KANK3: variants seen among roughly 807,000 people sequenced by gnomAD.
KANK3 encodes KN motif and ankyrin repeat domain-containing protein 3.
In KANK3, 61 loss-of-function variants were observed where a neutral mutation model predicts 65.4. The ratio of observed to expected loss-of-function variants is 0.93; its 90% CI spans 0.76 to 1.15. The LOEUF is 1.15. KANK3 is among the 50% of genes most tolerant of loss of function. KANK3 has a pLI of 0.00. For missense variants in KANK3, 1,187 were observed against 1,178.8 expected, an observed-to-expected ratio of 1.01 and a Z score of -0.10; for synonymous variants, 586 against 543.3, an observed-to-expected ratio of 1.08 and a Z score of -1.09.
rs1970340864 is a variant in KANK3 at position 8,322,726 on chromosome 19, G to T, written c.*113C>A. The T allele has an allele frequency of 2.6e-6, 2 of 763,326 alleles. No homozygotes were observed. The highest frequency in any genetic ancestry group is 4.3e-6 in the Non-Finnish European group (2 of 469,158). The allele number at this position is 763,326 out of a possible 1,614,324, so 47.3% of individuals were successfully genotyped here. On this transcript the variant is annotated 3_prime_UTR_variant, in exon 11 of 11. Transcript: ENST00000330915. ...CCCAACTGAAATTGCCTTTCTCTTC[G>T]GCCAGTGTTAGCCTCTGAGCAGGGG... is the stretch of plus-strand genomic sequence containing the variant.
chr19:8,322,880 C>T lies in KANK3; in HGVS notation c.2425G>A (p.Gly809Arg). The change falls in exon 11 of 11, where the codon GGA (glycine) becomes AGA (arginine). Residue 809 changes from glycine to arginine, a missense_variant. By Grantham distance (125) the Gly-to-Arg change is moderately radical (BLOSUM62 -2). Transcript: ENST00000330915. Reference protein sequence around the residue: ...PGSQTATPGEGECGDNGENPQ... With the variant: ...PGSQTATPGERECGDNGENPQ... ...TTCTCTCCATTGTCACCGCATTCTC[C>T]TTCACCAGGTGTGGCTGTCTGGGAG... is the stretch of plus-strand genomic sequence containing the variant. The T allele has an allele frequency of 6.3e-7, 1 of 1,581,822 alleles. No individual in the cohort carries two copies. The highest frequency in any genetic ancestry group is 8.6e-7 in the Non-Finnish European group (1 of 1,163,972).
rs778163268 is a variant in KANK3 at position 8,322,920 on chromosome 19, G to A, written c.2385C>T (p.Ser795=). Residue 795 remains serine (S), a splice_region_variant and synonymous_variant, in exon 11 of 11, where the codon AGC becomes AGT. Coordinates refer to ENST00000330915, the MANE Select transcript of KANK3 (RefSeq NM_198471.3). ...HLSSGQPDTQ[S]ESPPGSQTAT... is the part of the protein sequence containing the mutation. ...CTGTCTGGGAGCCAGGGGGTGACTC[G>A]CTCTGGAGAGAGGGGAAAAGAGGGG... is the stretch of plus-strand genomic sequence containing the variant. 11 of 1,511,072 alleles carry A rather than the reference G, an allele frequency of 7.3e-6. No individual in the cohort carries two copies. The highest frequency in any genetic ancestry group is 2.5e-5 in the East Asian group (1 of 40,790). 93.6% of individuals were successfully genotyped at this position (1,511,072 alleles called of 1,614,324 possible).
At chr19:8,339,032 C>A (rs928532713) in intron 1 of KANK3, among the ~76,000 whole-genome samples, 1 of 151,986 alleles carries the variant, frequency 6.6e-6, no homozygotes, top group East Asian at 1.9e-4. Context: ...CCTGGAATGT[C>A]GCTAGCGGAG....
chr19:8,326,882 G>A (rs1221201019), intron 7 of KANK3, among the ~76,000 whole-genome samples: 5 of 152,122 alleles, frequency 3.3e-5, no homozygotes, highest in East Asian at 3.9e-4. Context: ...GTGATACTTT[G>A]ATGGCAGCCC....
rs1970569408 is a variant in KANK3 at position 8,333,613 on chromosome 19, C to T, written c.1719+111G>A. The stretch of plus-strand genomic sequence containing the variant: ...TCCCTTCGGAGAGCCTGGGGTCAGG[C>T]GAGGTGCCTGGCGGGAAGGGATGGA... On this transcript the variant is annotated intron_variant, in intron 6 of 10. Transcript: ENST00000330915. The surrounding 1 kb of genome is among the most constrained non-coding windows in gnomAD (Gnocchi z 5.0). The T allele has an allele frequency of 3.5e-6, 3 of 854,490 alleles. No individual in the cohort carries two copies. The highest frequency in any genetic ancestry group is 1.7e-5 in the African/African-American group (1 of 58,096). 52.9% of individuals were successfully genotyped at this position (854,490 alleles called of 1,614,324 possible). A position where few individuals can be genotyped will look rare whatever the true frequency, so the allele number is the denominator to read the frequency against.
intron 7 of KANK3, among the ~76,000 whole-genome samples, chr19:8,331,739 G>A (rs553795934): frequency 4.5e-4 from 69 of 152,204 alleles, no homozygotes; most frequent in African/African-American, 1.6e-3. Context: ...TCAGGAACTC[G>A]GTGAGTGCTC....
intron 1 of KANK3, among the ~76,000 whole-genome samples, chr19:8,338,890 AAAAAAAAAAG>A (rs1172338736): frequency 1.3e-5 from 2 of 150,038 alleles, no homozygotes; most frequent in African/African-American, 2.4e-5. Flanking sequence ...AAAAAAAAAA[AAAAAAAAAAG>A]GATGTAATTG....
At chr19:8,336,430 T>C (rs1174203146) in intron 2 of KANK3, among the ~76,000 whole-genome samples, 4 of 67,506 alleles carry the variant, frequency 5.9e-5, no homozygotes, top group Admixed American at 1.5e-4. Context: ...GAAGAGAACC[T>C]CTCAAAAAAA....
intron 7 of KANK3, among the ~76,000 whole-genome samples, chr19:8,331,665 C>T (rs574494532): frequency 1.3e-5 from 2 of 152,122 alleles, no homozygotes; most frequent in Admixed American, 6.5e-5. Context: ...GCACAGTGCC[C>T]CATCCCAGGA....
chr19:8,324,916 C>A (rs369804721), intron 8 of KANK3, 35 bp downstream of exon 8: 98 of 1,607,724 alleles, frequency 6.1e-5, no homozygotes, highest in Non-Finnish European at 8.0e-5. Flanking sequence ...GGAAGTGACT[C>A]CTGGCTGAGA....
intron 4 of KANK3, 73 bp downstream of exon 4, chr19:8,334,247 A>AG: frequency 6.3e-7 from 1 of 1,589,038 alleles, no homozygotes; most frequent in Non-Finnish European, 8.6e-7. Flanking sequence ...CTGCCAGTAG[A>AG]GGGGCAGAGC....
rs573315741 is a variant in KANK3 at position 8,325,296 on chromosome 19, C to CTTTTTTTTTTTTTTTTTTTTT, written c.1937-221_1937-201dup. The stretch of plus-strand genomic sequence containing the variant: ...TCAGTGAAGGACCTTCCTGTTTCAT[C>CTTTTTTTTTTTTTTTTTTTTT]TTTTTTTTTTTTTTTTTTTTTTTTT... On this transcript the variant is annotated intron_variant, in intron 7 of 10. Coordinates refer to ENST00000330915, the MANE Select transcript of KANK3 (RefSeq NM_198471.3). 1.7e-4 allele frequency among the ~76,000 whole-genome samples: 13 copies of CTTTTTTTTTTTTTTTTTTTTT among 78,636 alleles called. 2 individuals carry two copies. The highest frequency in any genetic ancestry group is 2.7e-4 in the African/African-American group (5 of 18,660). The allele number at this position is 78,636 out of a possible 152,430, so 51.6% of individuals were successfully genotyped here. A position where few individuals can be genotyped will look rare whatever the true frequency, so the allele number is the denominator to read the frequency against.
chr19:8,332,975 C>T (rs779552649), intron 7 of KANK3, 39 bp downstream of exon 7: 3 of 956,748 alleles, frequency 3.1e-6, no homozygotes, highest in Admixed American at 2.2e-5. Context: ...TCCCCCCACC[C>T]ATTTCCTGGT....
intron 1 of KANK3, among the ~76,000 whole-genome samples, chr19:8,340,291 T>TACACACAC (rs147457593): frequency 8.0e-4 from 74 of 92,456 alleles, no homozygotes; most frequent in African/African-American, 2.8e-3. Context: ...TATATATATA[T>TACACACAC]ACACACACAC....
chr19:8,335,307 C>T lies in KANK3; in HGVS notation c.520G>A (p.Ala174Thr). 1 of 1,204,730 alleles carries T rather than the reference C, an allele frequency of 8.3e-7. No individual in the cohort carries two copies. Among genetic ancestry groups the T allele is most frequent in the East Asian group, 3.6e-5 (1 of 28,148 alleles). The allele number at this position is 1,204,730 out of a possible 1,614,324, so 74.6% of individuals were successfully genotyped here. Residue 174 changes from alanine (A) to threonine (T), a missense_variant, in exon 3 of 11, where the codon GCC becomes ACC. By Grantham distance (58) the Ala-to-Thr change is moderately conservative. Around this residue, in one of 3 missense-constraint regions of KANK3, gnomAD observed 1,078 missense variants for 1,038.2 expected, o/e 1.04. Coordinates refer to ENST00000330915, the MANE Select transcript of KANK3 (RefSeq NM_198471.3). Reference sequence around the variant, plus strand: ...TGGGCAGGGCCGGGCGAAGCAGGGGCAAGGTTAGGGGCGGGGCTGCTGCGG... The same window carrying T: ...TGGGCAGGGCCGGGCGAAGCAGGGGTAAGGTTAGGGGCGGGGCTGCTGCGG... ...SGRSSPAPNLAPASPGPAQLQ... is the reference protein window; with the variant it reads ...SGRSSPAPNLTPASPGPAQLQ...
chr19:8,323,412 G>A (rs1185605492), intron 10 of KANK3: 1 of 154,624 alleles, frequency 6.5e-6, no homozygotes, highest in Admixed American at 6.6e-5. Context: ...AAAATTGTAA[G>A]TTGTGCCAGG....
At chr19:8,332,987 T>TTTGGGGGCC in intron 7 of KANK3, 27 bp downstream of exon 7, 2 of 395,198 alleles carry the variant, frequency 5.1e-6, no homozygotes, top group Non-Finnish European at 4.8e-6. Context: ...TTTCCTGGTG[T>TTTGGGGGCC]CCCACCCACC....
Position 8,333,040 on chromosome 19 carries a change from G to A in KANK3, c.1910C>T (p.Ala637Val). The A allele has an allele frequency of 6.2e-7, 1 of 1,600,824 alleles. No homozygotes were observed. Among genetic ancestry groups the A allele is most frequent in the Non-Finnish European group, 8.5e-7 (1 of 1,172,838 alleles). ...CGTATCCAGGAGCAGGCTTGCGATG[G>A]CCAGGTTCCCGTGGGACACACTGTA... is the stretch of plus-strand genomic sequence containing the variant. The part of the protein sequence containing the change: ...LHYSVSHGNL[A>V]IASLLLDTGA... Residue 637 changes from alanine to valine, a missense_variant, in exon 7 of 11, where the codon GCC becomes GTC. Ala to Val is a moderately conservative substitution (Grantham distance 64). Transcript: ENST00000330915. The surrounding 1 kb of genome is among the most constrained non-coding windows in gnomAD (Gnocchi z 5.0).
chr19:8,323,358 G>GT (rs1350949268), intron 10 of KANK3: 1 of 155,312 alleles, frequency 6.4e-6, no homozygotes, highest in Non-Finnish European at 1.5e-5. Flanking sequence ...CTGAAGTGTG[G>GT]TTTTTACTAA....
Sources: gnomAD v4.1 joint callset for allele counts (sites outside exome capture counted in the v4.1 genomes callset) on GRCh38, gnomAD v4.1.1 for gene constraint, gnomAD v4.1.1 regional missense constraint, Gnocchi (gnomAD v3.1) non-coding constraint, MANE v1.5 for transcripts, NCBI Gene and HGNC (gene_info 2026-07-23, HGNC 2026-07-21) for gene names.